DCDC2: variants seen among roughly 807,000 people sequenced by gnomAD.
DCDC2 encodes doublecortin domain-containing protein 2.
A neutral mutation model predicts 50.2 loss-of-function variants in DCDC2; 40 were observed. That is an observed-to-expected ratio of 0.80 (90% CI 0.62 to 1.04). The LOEUF is 1.04. DCDC2 is among the 50% of genes least tolerant of loss of function. DCDC2 has a pLI of 0.00. For synonymous variants in DCDC2, 234 were observed against 210.6 expected (o/e 1.11, Z -0.96); for missense variants, 570 against 581.9 (o/e 0.98, Z 0.21).
chr6:24,335,774 A>C (rs1193258446), intron 2 of DCDC2, among the ~76,000 whole-genome samples: 1 of 152,116 alleles, frequency 6.6e-6, no homozygotes, highest in Non-Finnish European at 1.5e-5. Flanking sequence ...TAGCAAGAGC[A>C]AGGAAAACTG....
chr6:24,191,947 C>T lies in DCDC2; in HGVS notation c.1023+13055G>A, dbSNP rs75300790. Reference sequence around the variant, plus strand: ...AGGGAAGCCAAGAAGCAAGCCTTTGCGTGCTTAAAAACCTAAAGAAGGCTT... The same window carrying T: ...AGGGAAGCCAAGAAGCAAGCCTTTGTGTGCTTAAAAACCTAAAGAAGGCTT... On this transcript the variant is annotated intron_variant, in intron 8 of 9. Coordinates refer to ENST00000378454, the MANE Select transcript of DCDC2 (RefSeq NM_016356.5). Among the ~76,000 whole-genome samples, 386 of 152,142 alleles carry T rather than the reference C, an allele frequency of 2.5e-3. 11 individuals carry two copies. Among genetic ancestry groups the T allele is most frequent in the East Asian group, 2.1e-3 (11 of 5,172 alleles).
chr6:24,239,763 GT>G (rs1340089102), intron 7 of DCDC2, among the ~76,000 whole-genome samples: 1 of 152,182 alleles, frequency 6.6e-6, no homozygotes, highest in Non-Finnish European at 1.5e-5. Context: ...GAAGCCAAGG[GT>G]CTAGAAGAAT....
At chr6:24,265,140 C>CA (rs1158107744) in intron 7 of DCDC2, among the ~76,000 whole-genome samples, 1 of 150,490 alleles carries the variant, frequency 6.6e-6, no homozygotes, top group East Asian at 1.9e-4. Context: ...ATCTCTACAA[C>CA]AAAAAAGAAA....
chr6:24,378,334 G>A, the DCDC2 span, among the ~76,000 whole-genome samples: 1 of 152,084 alleles, frequency 6.6e-6, no homozygotes, highest in Non-Finnish European at 1.5e-5. Flanking sequence ...CAGACTACTG[G>A]AGCAGCATCA....
chr6:24,283,796 C>G lies in DCDC2; in HGVS notation c.759+5056G>C, dbSNP rs116422989. Among the ~76,000 whole-genome samples, 1,014 of 152,302 alleles carry G rather than the reference C, an allele frequency of 6.7e-3. 8 individuals are homozygous for G. Among genetic ancestry groups the G allele is most frequent in the African/African-American group, 0.022 (911 of 41,558 alleles). ...TTTGGATTTACTGGCATAGGAAGTT[C>G]TGTGTGGCTCAATGCCAAACATTCA... is the stretch of plus-strand genomic sequence containing the variant. On this transcript the variant is annotated intron_variant, in intron 6 of 9. Transcript: ENST00000378454.
chr6:24,284,137 A>G (rs190441412), intron 6 of DCDC2, among the ~76,000 whole-genome samples: 62 of 152,354 alleles, frequency 4.1e-4, no homozygotes, highest in African/African-American at 1.4e-3. Context: ...TTGTTGGATC[A>G]GCGAATCAGT....
chr6:24,328,510 C>T (rs1429788243), intron 2 of DCDC2, among the ~76,000 whole-genome samples: 2 of 152,128 alleles, frequency 1.3e-5, no homozygotes, highest in African/African-American at 4.8e-5. Flanking sequence ...TTGTTATAGC[C>T]AGAGCCCCCT....
At chr6:24,338,535 A>G (rs1453058700) in intron 2 of DCDC2, among the ~76,000 whole-genome samples, 1 of 152,198 alleles carries the variant, frequency 6.6e-6, no homozygotes, top group East Asian at 1.9e-4. Context: ...TCCCATCATG[A>G]GTGGCACATT....
chr6:24,353,823 C>A (rs548579291), intron 1 of DCDC2, among the ~76,000 whole-genome samples, 200 bp from the exon 2 acceptor site: 1 of 152,150 alleles, frequency 6.6e-6, no homozygotes, highest in Non-Finnish European at 1.5e-5. Flanking sequence ...CATATGTCTA[C>A]CCTAAACTTC....
chr6:24,269,116 T>G (rs1763185539), intron 7 of DCDC2, among the ~76,000 whole-genome samples: 1 of 152,178 alleles, frequency 6.6e-6, no homozygotes, highest in Non-Finnish European at 1.5e-5. Context: ...AAAATAGAGT[T>G]CATATACAAA....
chr6:24,231,376 T>C (rs1456966063), intron 7 of DCDC2, among the ~76,000 whole-genome samples: 1 of 152,182 alleles, frequency 6.6e-6, no homozygotes, highest in African/African-American at 2.4e-5. Context: ...CCAGGAGCTC[T>C]GGTTGCAGGA....
chr6:24,267,536 G>C (rs1483483317), intron 7 of DCDC2, among the ~76,000 whole-genome samples: 1 of 151,962 alleles, frequency 6.6e-6, no homozygotes, highest in Non-Finnish European at 1.5e-5. Context: ...AGACTTGCTG[G>C]GTCTCAAAAA....
At chr6:24,317,639 T>C (rs1357960460) in intron 2 of DCDC2, among the ~76,000 whole-genome samples, 1 of 151,910 alleles carries the variant, frequency 6.6e-6, no homozygotes, top group African/African-American at 2.4e-5. Flanking sequence ...GCTGGATAAA[T>C]TTGACTAACA....
intron 4 of DCDC2, among the ~76,000 whole-genome samples, chr6:24,301,187 T>A (rs541944874): frequency 3.2e-4 from 49 of 151,702 alleles, no homozygotes; most frequent in African/African-American, 1.0e-3. Context: ...CTGGCTAACA[T>A]GGAGAAACCC....
In DCDC2 at chr6:24,173,879, T is replaced by A. The variant is rs187768588; in HGVS notation, c.*851A>T. The A allele has an allele frequency of 2.7e-3, 405 of 152,360 alleles. 3 individuals are homozygous for A. Among genetic ancestry groups the A allele is most frequent in the African/African-American group, 9.1e-3 (378 of 41,576 alleles). The allele number at this position is 152,360 out of a possible 1,614,324, so 9.4% of individuals were successfully genotyped here. A position where few individuals can be genotyped will look rare whatever the true frequency, so the allele number is the denominator to read the frequency against. On this transcript the variant is annotated 3_prime_UTR_variant, in exon 10 of 10. Transcript: ENST00000378454. ...TGTTGAAAACTATTTGAAAATAATT[T>A]AATCTTTGGAATAGCCAATATCAGG...
At chr6:24,234,389 A>T (rs1321296747) in intron 7 of DCDC2, among the ~76,000 whole-genome samples, 1 of 152,202 alleles carries the variant, frequency 6.6e-6, no homozygotes, top group East Asian at 1.9e-4. Flanking sequence ...TCCCGTGGGC[A>T]ACAGGAAGCC....
At chr6:24,379,152 TA>T in the DCDC2 span, among the ~76,000 whole-genome samples, 1 of 151,932 alleles carries the variant, frequency 6.6e-6, no homozygotes, top group Non-Finnish European at 1.5e-5. Context: ...ACTTCATGAC[TA>T]AAAAACCAAA....
chr6:24,204,219 A>G (rs1265201492), intron 8 of DCDC2, among the ~76,000 whole-genome samples: 1 of 152,224 alleles, frequency 6.6e-6, no homozygotes, highest in Non-Finnish European at 1.5e-5. Context: ...TCACAATAGC[A>G]AAGACTTGGA....
intron 2 of DCDC2, among the ~76,000 whole-genome samples, chr6:24,313,479 T>G (rs1372558148): frequency 6.6e-5 from 10 of 152,002 alleles, no homozygotes; most frequent in Admixed American, 6.5e-4. Flanking sequence ...CCATTTTTTG[T>G]TTTTGTTTTA....
Sources: allele counts gnomAD v4.1 joint callset (sites outside exome capture counted in the v4.1 genomes callset), GRCh38; gene constraint gnomAD v4.1.1; transcripts MANE v1.5; gene names NCBI Gene and HGNC (gene_info 2026-07-23, HGNC 2026-07-21).